SLC25A21: variants seen among roughly 807,000 people sequenced by gnomAD.
SLC25A21 encodes mitochondrial 2-oxodicarboxylate carrier.
In SLC25A21, 47 loss-of-function variants were observed where a neutral mutation model predicts 43.8. The ratio of observed to expected loss-of-function variants is 1.07; its 90% CI spans 0.85 to 1.37. The LOEUF (loss-of-function observed/expected upper bound fraction) is 1.37, where lower values mean the gene tolerates loss of function less well. Among genes scored for constraint, SLC25A21 ranks in the 40% most tolerant of loss-of-function variants. SLC25A21 has a pLI of 0.00. For synonymous variants in SLC25A21, 131 were observed against 121.3 expected (o/e 1.08, Z -0.52); for missense variants, 352 against 350.2 (o/e 1.00, Z -0.04).
At position 37,070,439 on chromosome 14, in the gene SLC25A21, G is replaced by A. The variant is rs1272668107; in HGVS notation, c.70+101842C>T. Among the ~76,000 whole-genome samples, 4 of 152,078 alleles carry A rather than the reference G, an allele frequency of 2.6e-5. No individual in the cohort carries two copies. In the East Asian group the frequency reaches 7.7e-4, roughly 29 times the overall value. ...CTGCAAATGCCCTAAGTCCTAGTATGCCAGGATTCAATAAATCAGAAAGCA... is the reference window on the plus strand; with the variant it reads ...CTGCAAATGCCCTAAGTCCTAGTATACCAGGATTCAATAAATCAGAAAGCA... On this transcript the variant is annotated intron_variant, in intron 1 of 9. Transcript: ENST00000331299.
chr14:36,862,565 C>T (rs1157433525), intron 2 of SLC25A21, among the ~76,000 whole-genome samples: 3 of 152,044 alleles, frequency 2.0e-5, no homozygotes, highest in African/African-American at 4.8e-5. Context: ...ACAATGAGAA[C>T]ACATGGACAC....
intron 1 of SLC25A21, among the ~76,000 whole-genome samples, chr14:37,059,142 C>T (rs546057810): frequency 6.6e-6 from 1 of 152,314 alleles, no homozygotes; most frequent in South Asian, 2.1e-4. Context: ...AAGTGCCTTC[C>T]ACAAGAAGAA....
chr14:36,714,144 G>A (rs1003797699), intron 6 of SLC25A21, among the ~76,000 whole-genome samples: 10 of 152,178 alleles, frequency 6.6e-5, no homozygotes, highest in African/African-American at 2.2e-4. Context: ...TAACGATAAT[G>A]GCAATTATGC....
intron 1 of SLC25A21, among the ~76,000 whole-genome samples, chr14:36,917,521 G>A (rs1267202364): frequency 6.6e-6 from 1 of 152,086 alleles, no homozygotes; most frequent in East Asian, 1.9e-4. Flanking sequence ...CAGAATACAT[G>A]TGCTGTTCAT....
At chr14:37,011,034 G>A (rs531524848) in intron 1 of SLC25A21, among the ~76,000 whole-genome samples, 72 of 152,168 alleles carry the variant, frequency 4.7e-4, no homozygotes, top group African/African-American at 1.7e-3. Flanking sequence ...CTACAGGTGC[G>A]TGCCACCCTG....
intron 1 of SLC25A21, among the ~76,000 whole-genome samples, chr14:37,083,507 G>T (rs1357692607): frequency 6.6e-6 from 1 of 152,116 alleles, no homozygotes; most frequent in East Asian, 1.9e-4. Context: ...TTTATATACG[G>T]CAAGGATTAT....
intron 1 of SLC25A21, among the ~76,000 whole-genome samples, chr14:37,146,463 TCTCTAA>T (rs1231636023): frequency 6.6e-6 from 1 of 152,144 alleles, no homozygotes; most frequent in Non-Finnish European, 1.5e-5. Context: ...CCCAGCCTGG[TCTCTAA>T]CTCCTGACCT....
chr14:36,709,549 G>A (rs1044737006), intron 7 of SLC25A21, among the ~76,000 whole-genome samples: 1 of 152,116 alleles, frequency 6.6e-6, no homozygotes, highest in Non-Finnish European at 1.5e-5. Flanking sequence ...TATACACTGT[G>A]GCCAATCAAG....
intron 1 of SLC25A21, among the ~76,000 whole-genome samples, chr14:36,914,474 C>T (rs187904920): frequency 1.2e-3 from 179 of 152,228 alleles, no homozygotes; most frequent in African/African-American, 4.1e-3. Flanking sequence ...TTTCAGGAGA[C>T]TTTTGTATTT....
intron 1 of SLC25A21, among the ~76,000 whole-genome samples, chr14:37,063,935 G>A (rs767219378): frequency 1.3e-5 from 2 of 152,136 alleles, no homozygotes; most frequent in Admixed American, 6.5e-5. Flanking sequence ...TGACTATCAC[G>A]ATGATGGTTA....
chr14:36,906,729 C>T (rs1891546052), intron 1 of SLC25A21, among the ~76,000 whole-genome samples: 1 of 152,090 alleles, frequency 6.6e-6, no homozygotes, highest in Non-Finnish European at 1.5e-5. Context: ...TGGTCTCGAT[C>T]TCCTGACCTC....
chr14:36,717,010 T>A (rs552428783), intron 6 of SLC25A21, among the ~76,000 whole-genome samples: 23 of 152,150 alleles, frequency 1.5e-4, no homozygotes, highest in Admixed American at 1.5e-3. Flanking sequence ...GCAAACCGGA[T>A]GAGACTACAC....
At chr14:36,733,167 A>G (rs1016359094) in intron 4 of SLC25A21, among the ~76,000 whole-genome samples, 7 of 152,244 alleles carry the variant, frequency 4.6e-5, no homozygotes, top group African/African-American at 1.7e-4. Context: ...TACTTTATCT[A>G]TACATGTAAC....
chr14:37,125,336 T>C (rs1963278896), intron 1 of SLC25A21, among the ~76,000 whole-genome samples: 1 of 152,212 alleles, frequency 6.6e-6, no homozygotes, highest in African/African-American at 2.4e-5. Context: ...TATGAAAATA[T>C]TCTCCAAGGG....
intron 1 of SLC25A21, among the ~76,000 whole-genome samples, chr14:37,100,031 T>C (rs986421819): frequency 1.5e-5 from 1 of 66,364 alleles, no homozygotes; most frequent in Non-Finnish European, 2.8e-5. Context: ...CACCTCTATG[T>C]TTGTTTGTTT....
At chr14:36,983,785 T>C (rs183861437) in intron 1 of SLC25A21, among the ~76,000 whole-genome samples, 17 of 152,266 alleles carry the variant, frequency 1.1e-4, no homozygotes, top group African/African-American at 3.9e-4. Flanking sequence ...TATATATATA[T>C]ACACAACGGA....
rs1376875094 is a variant in SLC25A21, at chr14:36,684,771, G to A, written c.758C>T (p.Thr253Ile). ...GEIKYRTCFKTMATVYQEEGI... is the reference protein window; with the variant it reads ...GEIKYRTCFKIMATVYQEEGI... ...TTCTTCCTGATAGACTGTTGCCATT[G>A]TTTTAAAACAGGTTCTGTACTTGAT... Residue 253 changes from threonine (T) to isoleucine (I), a missense_variant, in exon 8 of 10, where the codon ACA (threonine) becomes ATA (isoleucine). Thr to Ile is a moderately conservative substitution (Grantham distance 89, BLOSUM62 -1). Transcript: ENST00000331299. 2.8e-5 allele frequency: 45 copies of A among 1,609,066 alleles called. No individual in the cohort carries two copies. Among genetic ancestry groups the A allele is most frequent in the Non-Finnish European group, 3.6e-5 (43 of 1,178,418 alleles).
chr14:37,143,665 T>A (rs1389557070), intron 1 of SLC25A21, among the ~76,000 whole-genome samples: 2 of 151,928 alleles, frequency 1.3e-5, no homozygotes, highest in Non-Finnish European at 2.9e-5. Context: ...GAAGAAGGCA[T>A]TTGACTGATT....
chr14:37,053,990 C>T (rs986804564), intron 1 of SLC25A21, among the ~76,000 whole-genome samples: 1 of 152,174 alleles, frequency 6.6e-6, no homozygotes, highest in Non-Finnish European at 1.5e-5. Context: ...CTTGCTATTC[C>T]TCCCATTGAG....
Sources: gnomAD v4.1 joint callset for allele counts (sites outside exome capture counted in the v4.1 genomes callset) on GRCh38, gnomAD v4.1.1 for gene constraint, MANE v1.5 for transcripts, NCBI Gene and HGNC (gene_info 2026-07-23, HGNC 2026-07-21) for gene names.